TMC5: variants seen among roughly 807,000 people sequenced by gnomAD.
TMC5 encodes the protein transmembrane channel-like protein 5.
In TMC5, 86 loss-of-function variants were observed where a neutral mutation model predicts 110.5. That is an observed-to-expected ratio of 0.78 (90% CI 0.65 to 0.93). The LOEUF (loss-of-function observed/expected upper bound fraction) is 0.93, where lower values mean the gene tolerates loss of function less well. TMC5 is among the 40% of genes least tolerant of loss of function. The pLI, the probability that TMC5 is intolerant of heterozygous loss-of-function variation, is 0.00. For synonymous variants in TMC5, 455 were observed against 439.5 expected (o/e 1.04, Z -0.44); for missense variants, 1,144 against 1,222.8 (o/e 0.94, Z 0.96).
At chr16:19,455,392 GC>G (rs1302981096) in intron 5 of TMC5, among the ~76,000 whole-genome samples, 2 of 152,122 alleles carry the variant, frequency 1.3e-5, no homozygotes, top group African/African-American at 4.8e-5. Context: ...CTGTACTCCA[GC>G]CTGGGCAACA....
intron 4 of TMC5, among the ~76,000 whole-genome samples, 153 bp from the exon 5 acceptor site, chr16:19,449,389 A>G (rs981679339): frequency 2.6e-5 from 4 of 152,152 alleles, no homozygotes; most frequent in Non-Finnish European, 5.9e-5. Context: ...TTTCCACCCA[A>G]GTTCTTAATC....
rs1283130515 is a variant in TMC5 at position 19,490,537 on chromosome 16, C to T, written c.2716C>T (p.His906Tyr). ...WIYRNLIGSV[H>Y]FFFILTLIVL... Reference sequence around the variant, plus strand: ...CTATCGGAACCTCATTGGAAGTGTGCACTTCTTTTTCATCCTCACCCTCAT... The same window carrying T: ...CTATCGGAACCTCATTGGAAGTGTGTACTTCTTTTTCATCCTCACCCTCAT... Residue 906 changes from histidine to tyrosine, a missense_variant, in exon 18 of 22, where the codon CAC becomes TAC. His to Tyr is a moderately conservative substitution (Grantham distance 83). Coordinates refer to ENST00000542583, the MANE Select transcript of TMC5 (RefSeq NM_001261841.2). 1 of 1,614,088 alleles carries T rather than the reference C, an allele frequency of 6.2e-7. No homozygotes were observed. Among genetic ancestry groups the T allele is most frequent in the East Asian group, 2.2e-5 (1 of 44,862 alleles).
chr16:19,470,929 A>T (rs1416642957), intron 10 of TMC5, among the ~76,000 whole-genome samples: 2 of 151,864 alleles, frequency 1.3e-5, no homozygotes, highest in Non-Finnish European at 2.9e-5. Context: ...CCAGCTACTC[A>T]GGAGGCTGAG....
intron 13 of TMC5, 57 bp downstream of exon 13, chr16:19,477,575 G>T: frequency 8.4e-7 from 1 of 1,194,912 alleles, no homozygotes; most frequent in Non-Finnish European, 1.2e-6. Context: ...GACCAACAGG[G>T]AGGACAGGGG....
upstream of TMC5, among the ~76,000 whole-genome samples, chr16:19,416,273 T>C (rs11866718): frequency 3.9e-3 from 593 of 152,328 alleles, 5 homozygotes; most frequent in African/African-American, 0.014. Context: ...TTTTTTCTTT[T>C]AAATGATACT....
chr16:19,442,469 C>T (rs1435540660), intron 3 of TMC5, among the ~76,000 whole-genome samples: 4 of 151,968 alleles, frequency 2.6e-5, no homozygotes, highest in Non-Finnish European at 4.4e-5. Flanking sequence ...GCTGGGATTA[C>T]AGGCATGCAC....
Position 19,474,211 on chromosome 16 carries a change from C to G in TMC5, c.2025C>G (p.Tyr675Ter). ...TTAATCTGGCCGTGCCATGCATCTA[C>G]TCCATGTTCAGGCTTGTGGAGAGGT... ...SCINLAVPCI[Y>*]SMFRLVERYE... Residue 675 changes from tyrosine (Y) to a stop codon, truncating the protein, a stop_gained, in exon 12 of 22, where the codon TAC (tyrosine) becomes TAG (stop). Coordinates refer to ENST00000542583, the MANE Select transcript of TMC5 (RefSeq NM_001261841.2). LOFTEE classifies it high-confidence loss of function. 1 of 1,614,122 alleles carries G rather than the reference C, an allele frequency of 6.2e-7. No homozygotes were observed. The highest frequency in any genetic ancestry group is 8.5e-7 in the Non-Finnish European group (1 of 1,180,022).
At chr16:19,473,797 T>C (rs565061547) in intron 11 of TMC5, among the ~76,000 whole-genome samples, 13 of 152,164 alleles carry the variant, frequency 8.5e-5, no homozygotes, top group African/African-American at 2.9e-4. Context: ...CTGGCCAACA[T>C]GGGGAAACCC....
At chr16:19,450,254 A>G (rs954426639) in intron 5 of TMC5, among the ~76,000 whole-genome samples, 25 of 152,246 alleles carry the variant, frequency 1.6e-4, no homozygotes, top group African/African-American at 6.0e-4. Context: ...CCCAGGGGGA[A>G]TTCATTGGCT....
Position 19,440,697 on chromosome 16 carries a change from T to A in TMC5, c.659T>A (p.Phe220Tyr). Reference sequence around the variant, plus strand: ...ATTCAACCTAACTCTCCACCCTTTTTTGGGGAGCCAGACTATCCCAGTGCT... The same window carrying A: ...ATTCAACCTAACTCTCCACCCTTTTATGGGGAGCCAGACTATCCCAGTGCT... ...ADIQPNSPPFFGEPDYPSAED... is the reference protein window; with the variant it reads ...ADIQPNSPPFYGEPDYPSAED... Residue 220 changes from phenylalanine (F) to tyrosine (Y), a missense_variant, in exon 3 of 22, where the codon TTT becomes TAT. Phe to Tyr is a conservative substitution (Grantham distance 22, BLOSUM62 3). Coordinates refer to ENST00000542583, the MANE Select transcript of TMC5 (RefSeq NM_001261841.2). The A allele has an allele frequency of 6.2e-7, 1 of 1,614,152 alleles. No individual in the cohort carries two copies. Among genetic ancestry groups the A allele is most frequent in the Non-Finnish European group, 8.5e-7 (1 of 1,180,026 alleles).
intron 19 of TMC5, 130 bp downstream of exon 19, chr16:19,492,358 G>A (rs1968929625): frequency 6.2e-6 from 3 of 485,692 alleles, no homozygotes; most frequent in African/African-American, 4.0e-5. Flanking sequence ...AACCATCAAT[G>A]TTTTTATATT....
intron 1 of TMC5, among the ~76,000 whole-genome samples, chr16:19,412,401 T>A (rs1567291717): frequency 2.0e-5 from 3 of 151,582 alleles, no homozygotes; most frequent in Admixed American, 6.6e-5. Context: ...AGTCTCGTTC[T>A]GTTGCCCAGG....
chr16:19,468,359 T>G (rs1003036956), intron 9 of TMC5, among the ~76,000 whole-genome samples: 3 of 152,156 alleles, frequency 2.0e-5, no homozygotes, highest in Non-Finnish European at 4.4e-5. Context: ...CATTTTTGTG[T>G]GTGTGCTCAG....
chr16:19,448,984 G>A (rs541051979), intron 4 of TMC5, among the ~76,000 whole-genome samples: 1 of 148,410 alleles, frequency 6.7e-6, no homozygotes, highest in African/African-American at 2.5e-5. Context: ...CCAGCCTCCC[G>A]AGTAGCTGGG....
chr16:19,425,463 T>C (rs1967071805), intron 1 of TMC5, among the ~76,000 whole-genome samples: 1 of 152,112 alleles, frequency 6.6e-6, no homozygotes, highest in Admixed American at 6.6e-5. Flanking sequence ...TTTGTCTTTG[T>C]TTTTTTGTTG....
intron 17 of TMC5, among the ~76,000 whole-genome samples, chr16:19,488,250 C>G (rs898932363): frequency 6.6e-6 from 1 of 152,178 alleles, no homozygotes; most frequent in African/African-American, 2.4e-5. Flanking sequence ...ATGCTTAATA[C>G]AGTGCCTAAC....
At chr16:19,415,591 A>G (rs1966872809), upstream of TMC5, among the ~76,000 whole-genome samples, 1 of 152,206 alleles carries the variant, frequency 6.6e-6, no homozygotes, top group Admixed American at 6.5e-5. Flanking sequence ...TTATAGCTAC[A>G]AAAGAATCAA....
intron 2 of TMC5, 76 bp from the exon 3 acceptor site, chr16:19,439,884 C>G (rs1967440017): frequency 1.6e-5 from 10 of 636,666 alleles, no homozygotes; most frequent in Non-Finnish European, 2.5e-5. Context: ...AGAACAGATA[C>G]TGGAAGATAA....
intron 4 of TMC5, 37 bp from the exon 5 acceptor site, chr16:19,449,504 GA>G (rs753139992): frequency 7.8e-6 from 12 of 1,544,922 alleles, no homozygotes; most frequent in Non-Finnish European, 1.1e-5. Context: ...CTAGTGTGGT[GA>G]GACTAATCGG....
Sources: gnomAD v4.1 joint callset for allele counts (sites outside exome capture counted in the v4.1 genomes callset) on GRCh38, gnomAD v4.1.1 for gene constraint, MANE v1.5 for transcripts, NCBI Gene and HGNC (gene_info 2026-07-23, HGNC 2026-07-21) for gene names.